TBC1D5: variants seen among roughly 807,000 people sequenced by gnomAD.
TBC1D5 encodes TBC1 domain family member 5.
Under a neutral mutation model 100.3 loss-of-function variants are expected in TBC1D5, and 75 were observed. The observed-to-expected ratio is 0.75, with a 90% confidence interval of 0.62 to 0.91. The LOEUF (loss-of-function observed/expected upper bound fraction) is 0.91, where lower values mean the gene tolerates loss of function less well. Ranked by LOEUF, TBC1D5 falls within the 40% of genes least tolerant of loss-of-function variation. The probability of loss-of-function intolerance (pLI) is 0.00; values close to 1 mark genes in which losing one functional copy is unlikely to be tolerated. For missense variants in TBC1D5, 910 were observed against 942.4 expected, an observed-to-expected ratio of 0.97 and a Z score of 0.45; for synonymous variants, 323 against 325.6, an observed-to-expected ratio of 0.99 and a Z score of 0.09.
Position 17,297,726 on chromosome 3 carries a change from G to T in TBC1D5, c.1139-5725C>A, listed in dbSNP as rs532093623. Among the ~76,000 whole-genome samples, 7 of 151,956 alleles carry T rather than the reference G, an allele frequency of 4.6e-5. No individual in the cohort carries two copies. The East Asian group carries it at 1.4e-3, about 29-fold the overall frequency. On this transcript the variant is annotated intron_variant, in intron 14 of 21. Transcript: ENST00000253692. The stretch of plus-strand genomic sequence containing the variant: ...GCCTTCCTAGTGGCTGGGACTATAG[G>T]CGTGTGCCATCATGCCTGGCTAATT...
intron 3 of TBC1D5, among the ~76,000 whole-genome samples, chr3:17,482,019 G>A (rs569493033): frequency 6.6e-6 from 1 of 152,330 alleles, no homozygotes; most frequent in South Asian, 2.1e-4. Context: ...GGGATTACAG[G>A]CATGGGCCAC....
At chr3:17,194,681 T>C (rs1479087550) in intron 18 of TBC1D5, among the ~76,000 whole-genome samples, 1 of 152,238 alleles carries the variant, frequency 6.6e-6, no homozygotes, top group African/African-American at 2.4e-5. Context: ...AATTCATCCC[T>C]GATTTTCAGA....
chr3:17,741,902 T>G (rs1354279391), upstream of TBC1D5, among the ~76,000 whole-genome samples: 1 of 148,902 alleles, frequency 6.7e-6, no homozygotes, highest in Non-Finnish European at 1.5e-5. Flanking sequence ...CAGGTCACGG[T>G]TCCCTTCCTC....
chr3:17,331,946 G>T (rs1012358676), intron 13 of TBC1D5, among the ~76,000 whole-genome samples: 1 of 152,226 alleles, frequency 6.6e-6, no homozygotes. Context: ...GGGCCTTATA[G>T]GCCATAGCAA....
chr3:17,526,361 A>T (rs1334526500), intron 2 of TBC1D5, among the ~76,000 whole-genome samples: 1 of 152,090 alleles, frequency 6.6e-6, no homozygotes, highest in African/African-American at 2.4e-5. Flanking sequence ...GGGACTACAG[A>T]TGAGTGCCAC....
At chr3:17,698,237 C>G (rs549055505) in intron 1 of TBC1D5, among the ~76,000 whole-genome samples, 9 of 152,168 alleles carry the variant, frequency 5.9e-5, no homozygotes, top group Non-Finnish European at 1.0e-4. Flanking sequence ...GAAATAACGC[C>G]GCATATCTAC....
intron 15 of TBC1D5, among the ~76,000 whole-genome samples, chr3:17,269,707 C>A (rs1193465322): frequency 6.7e-6 from 1 of 149,270 alleles, no homozygotes; most frequent in Admixed American, 6.7e-5. Context: ...TCAGTTGAAC[C>A]CAAGATATAG....
At chr3:17,527,148 T>A (rs2096147489) in intron 2 of TBC1D5, among the ~76,000 whole-genome samples, 1 of 152,048 alleles carries the variant, frequency 6.6e-6, no homozygotes, top group Admixed American at 6.6e-5. Context: ...ACACATGATA[T>A]GAAGAAAATG....
At chr3:17,343,759 G>A (rs1189913679) in intron 13 of TBC1D5, among the ~76,000 whole-genome samples, 1 of 152,164 alleles carries the variant, frequency 6.6e-6, no homozygotes, top group Non-Finnish European at 1.5e-5. Flanking sequence ...TTGCGTAGAG[G>A]TGTTGGTAGT....
At chr3:17,178,168 C>T (rs752062248) in intron 19 of TBC1D5, among the ~76,000 whole-genome samples, 2 of 151,528 alleles carry the variant, frequency 1.3e-5, no homozygotes, top group African/African-American at 4.9e-5. Flanking sequence ...TGGGTTCACG[C>T]CATTCTCCTG....
At chr3:17,602,792 G>A (rs2061063237) in intron 2 of TBC1D5, among the ~76,000 whole-genome samples, 1 of 151,798 alleles carries the variant, frequency 6.6e-6, no homozygotes, top group Admixed American at 6.6e-5. Context: ...CCACAGGATG[G>A]TCTCGATCTC....
intron 1 of TBC1D5, chr3:17,705,981 C>A: frequency 1.5e-6 from 2 of 1,357,066 alleles, no homozygotes; most frequent in Non-Finnish European, 2.0e-6. Context: ...CATTTCTTTA[C>A]TCTTTTTTTT....
chr3:17,537,859 C>G (rs1208440913), intron 2 of TBC1D5, among the ~76,000 whole-genome samples: 2 of 152,184 alleles, frequency 1.3e-5, no homozygotes, highest in Non-Finnish European at 1.5e-5. Flanking sequence ...TGAGACAAGT[C>G]TCGTTCAACT....
chr3:17,484,489 T>TGTGTGTGTGTG (rs2095536751), intron 3 of TBC1D5, among the ~76,000 whole-genome samples: 1 of 133,292 alleles, frequency 7.5e-6, no homozygotes, highest in African/African-American at 2.8e-5. Flanking sequence ...TGTGTGTGTG[T>TGTGTGTGTGTG]TTGGGTAACA....
intron 17 of TBC1D5, among the ~76,000 whole-genome samples, chr3:17,214,831 G>T (rs1364062981): frequency 6.6e-6 from 1 of 152,068 alleles, no homozygotes; most frequent in Admixed American, 6.6e-5. Flanking sequence ...TCTGGTAAGG[G>T]AAAGTGTCAC....
intron 3 of TBC1D5, among the ~76,000 whole-genome samples, chr3:17,454,035 C>A (rs1481375235): frequency 6.6e-6 from 1 of 152,144 alleles, no homozygotes; most frequent in Non-Finnish European, 1.5e-5. Flanking sequence ...TAAATTCATG[C>A]TGAAAAAGCA....
chr3:17,510,498 G>A (rs1466724496), intron 2 of TBC1D5, among the ~76,000 whole-genome samples: 1 of 151,884 alleles, frequency 6.6e-6, no homozygotes, highest in Non-Finnish European at 1.5e-5. Context: ...AAACCTAGAC[G>A]GTTGTCAGTT....
chr3:17,696,977 C>T (rs1410325802), intron 1 of TBC1D5, among the ~76,000 whole-genome samples: 1 of 152,216 alleles, frequency 6.6e-6, no homozygotes, highest in East Asian at 1.9e-4. Context: ...CATAATCCAT[C>T]ACATAAACAG....
intron 8 of TBC1D5, among the ~76,000 whole-genome samples, chr3:17,384,418 T>G (rs1040434669): frequency 6.6e-6 from 1 of 152,120 alleles, no homozygotes; most frequent in African/African-American, 2.4e-5. Flanking sequence ...TTTTCCTTGA[T>G]GTAAAATAGC....
Sources: allele counts gnomAD v4.1 joint callset (sites outside exome capture counted in the v4.1 genomes callset), GRCh38; gene constraint gnomAD v4.1.1; transcripts MANE v1.5; gene names NCBI Gene and HGNC (gene_info 2026-07-23, HGNC 2026-07-21).